Variants in KEAP1 observed in about 807,000 individuals in gnomAD.
KEAP1 encodes the protein kelch like ECH associated protein 1.
KEAP1 carries 26 observed loss-of-function variants against 59.7 expected under a neutral mutation model. The observed-to-expected ratio is 0.44, with a 90% CI of 0.32 to 0.60. The LOEUF is 0.60. Among genes scored for constraint, KEAP1 ranks in the 20% least tolerant of loss-of-function variants. KEAP1 has a pLI of 0.06. For missense variants in KEAP1, 539 were observed against 871.4 expected (o/e 0.62, Z 4.80); for synonymous variants, 350 against 358.3 (o/e 0.98, Z 0.26).
At position 10,491,831 on chromosome 19, in the gene KEAP1, G is replaced by C. The variant is rs1041969329; in HGVS notation, c.1071C>G (p.Asp357Glu). The change falls in exon 3 of 6, where the codon GAC becomes GAG. Residue 357 changes from aspartate to glutamate, a missense_variant. Physicochemically the swap from Asp to Glu is conservative, Grantham distance 45. Coordinates refer to ENST00000171111, the MANE Select transcript of KEAP1 (RefSeq NM_203500.2). This position sits in a 1 kb window ranked among gnomAD's most constrained non-coding sequence, Gnocchi z 5.2. Reference sequence around the variant, plus strand: ...CCAGGCCGCTCCGCGGCACCTGCAGGTCCGCCAACCGGAGCCAGGTGCCGT... The same window carrying C: ...CCAGGCCGCTCCGCGGCACCTGCAGCTCCGCCAACCGGAGCCAGGTGCCGT... ...PSDGTWLRLADLQVPRSGLAG... is the reference protein window; with the variant it reads ...PSDGTWLRLAELQVPRSGLAG... The C allele has an allele frequency of 1.2e-6, 2 of 1,606,374 alleles. No individual in the cohort carries two copies. Among genetic ancestry groups the C allele is most frequent in the Non-Finnish European group, 1.7e-6 (2 of 1,176,716 alleles).
chr19:10,501,664 G>T (rs961627728), intron 1 of KEAP1, among the ~76,000 whole-genome samples: 1 of 151,944 alleles, frequency 6.6e-6, no homozygotes, highest in African/African-American at 2.4e-5. Context: ...TCATACTTCG[G>T]CCTCCTGAGT....
chr19:10,494,319 T>C (rs1325530629), intron 2 of KEAP1, among the ~76,000 whole-genome samples: 1 of 147,872 alleles, frequency 6.8e-6, no homozygotes, highest in Non-Finnish European at 1.5e-5. Flanking sequence ...TCACCATACC[T>C]GGCTTGGCTT....
At chr19:10,497,715 T>C (rs1456007854) in intron 2 of KEAP1, among the ~76,000 whole-genome samples, 1 of 151,996 alleles carries the variant, frequency 6.6e-6, no homozygotes, top group African/African-American at 2.4e-5. Flanking sequence ...CAAGACCCTG[T>C]CTCTACAAAA....
Position 10,499,842 on chromosome 19 carries a change from A to G in KEAP1, c.192T>C (p.Phe64=). The change falls in exon 2 of 6, where the codon TTT becomes TTC. Residue 64 remains phenylalanine, a synonymous_variant. Coordinates refer to ENST00000171111, the MANE Select transcript of KEAP1 (RefSeq NM_203500.2). This position sits in a 1 kb window ranked among gnomAD's most constrained non-coding sequence, Gnocchi z 6.7. ...TGAGCCGCAGCTCGTTCATGATGCC[A>G]AAGGCCTGCTTGGTATGATCCTCCA... is the stretch of plus-strand genomic sequence containing the variant. The part of the protein sequence containing the change: ...YTLEDHTKQA[F]GIMNELRLSQ... 6.2e-7 allele frequency: 1 copy of G among 1,613,946 alleles called. No individual in the cohort carries two copies. Among genetic ancestry groups the G allele is most frequent in the Non-Finnish European group, 8.5e-7 (1 of 1,180,020 alleles).
rs767285862 is a variant in KEAP1, at chr19:10,491,945, G to A, written c.957C>T (p.Cys319=). 35 of 1,591,748 alleles carry A rather than the reference G, an allele frequency of 2.2e-5. No individual in the cohort carries two copies. The highest frequency in any genetic ancestry group is 3.4e-5 in the Admixed American group (2 of 58,036). The change falls in exon 3 of 6, where the codon TGC becomes TGT. Residue 319 remains cysteine, a synonymous_variant. Transcript: ENST00000171111. This position sits in a 1 kb window ranked among gnomAD's most constrained non-coding sequence, Gnocchi z 5.2. ...TLHKPTQVMP[C]RAPKVGRLIY... ...TCAGGCGGCCCACCTTGGGCGCCCGGCAGGGCATCACCTGCGTGGGCTTGT... is the reference window on the plus strand; with the variant it reads ...TCAGGCGGCCCACCTTGGGCGCCCGACAGGGCATCACCTGCGTGGGCTTGT...
At chr19:10,495,723 G>A (rs1008782465) in intron 2 of KEAP1, among the ~76,000 whole-genome samples, 3 of 151,698 alleles carry the variant, frequency 2.0e-5, no homozygotes, top group African/African-American at 7.3e-5. Flanking sequence ...TGGAAGCTCC[G>A]AAGAAACCAG....
chr19:10,489,117 A>AG, intron 5 of KEAP1, 75 bp downstream of exon 5: 1 of 1,123,922 alleles, frequency 8.9e-7, no homozygotes. Flanking sequence ...AAAAAAAAAA[A>AG]AAAGGAAAGC....
chr19:10,502,919 G>T lies in KEAP1; in HGVS notation c.-48+322C>A, dbSNP rs973375076. 2.0e-5 allele frequency: 3 copies of T among 152,118 alleles called. No homozygotes were observed. Among genetic ancestry groups the T allele is most frequent in the Non-Finnish European group, 4.4e-5 (3 of 67,996 alleles). The allele number at this position is 152,118 out of a possible 1,614,324, so 9.4% of individuals were successfully genotyped here. ...CACGCCTGCTGTCGCCCAGCTGCGC[G>T]GCCACCACGGCGCCCAGCATGGCGG... is the stretch of plus-strand genomic sequence containing the variant. On this transcript the variant is annotated intron_variant, in intron 1 of 5. Coordinates refer to ENST00000171111, the MANE Select transcript of KEAP1 (RefSeq NM_203500.2). This position sits in a 1 kb window ranked among gnomAD's most constrained non-coding sequence, Gnocchi z 4.0.
rs1237235830 is a variant in KEAP1 at position 10,491,856 on chromosome 19, T to C, written c.1046A>G (p.Asp349Gly). The C allele has an allele frequency of 1.2e-6, 2 of 1,611,680 alleles. No individual in the cohort carries two copies. The highest frequency in any genetic ancestry group is 1.7e-6 in the Non-Finnish European group (2 of 1,179,160). ...LSYLEAYNPS[D>G]GTWLRLADLQ... Reference sequence around the variant, plus strand: ...GTCCGCCAACCGGAGCCAGGTGCCGTCACTGGGGTTGTAAGCCTCCAGGTA... The same window carrying C: ...GTCCGCCAACCGGAGCCAGGTGCCGCCACTGGGGTTGTAAGCCTCCAGGTA... The change falls in exon 3 of 6, where the codon GAC (aspartate) becomes GGC (glycine). Residue 349 changes from aspartate to glycine, a missense_variant. Physicochemically the swap from Asp to Gly is moderately conservative, Grantham distance 94 (BLOSUM62 -1). Transcript: ENST00000171111. This position sits in a 1 kb window ranked among gnomAD's most constrained non-coding sequence, Gnocchi z 5.2.
At chr19:10,498,448 C>A (rs1238074128) in intron 2 of KEAP1, among the ~76,000 whole-genome samples, 2 of 152,190 alleles carry the variant, frequency 1.3e-5, no homozygotes, top group South Asian at 2.1e-4. Flanking sequence ...CTCAGGTGAG[C>A]CACCCGCCTC....
chr19:10,495,418 G>C (rs1914818889), intron 2 of KEAP1, among the ~76,000 whole-genome samples: 4 of 152,098 alleles, frequency 2.6e-5, no homozygotes, highest in Admixed American at 2.6e-4. Flanking sequence ...ACAGCTCTGG[G>C]CCAGCACAGT....
intron 2 of KEAP1, among the ~76,000 whole-genome samples, chr19:10,498,089 G>A (rs957510031): frequency 2.6e-5 from 4 of 151,528 alleles, no homozygotes; most frequent in Admixed American, 6.6e-5. Context: ...TAATAGAGAC[G>A]TGGTTTCTCC....
intron 2 of KEAP1, among the ~76,000 whole-genome samples, chr19:10,494,418 C>T (rs1966845714): frequency 6.7e-6 from 1 of 149,644 alleles, no homozygotes; most frequent in Admixed American, 6.7e-5. Context: ...GCAAGCTCCA[C>T]CTCCCGGGTT....
At chr19:10,492,984 G>A (rs1455670610) in intron 2 of KEAP1, among the ~76,000 whole-genome samples, 3 of 150,380 alleles carry the variant, frequency 2.0e-5, no homozygotes, top group Admixed American at 1.3e-4. Context: ...ACCATGCCCC[G>A]TTAATTTTTA....
chr19:10,487,902 G>A (rs1414055637), intron 5 of KEAP1, among the ~76,000 whole-genome samples: 1 of 152,096 alleles, frequency 6.6e-6, no homozygotes, highest in Non-Finnish European at 1.5e-5. Flanking sequence ...GCCGAGGCGG[G>A]CAGATCACCT....
chr19:10,487,451 G>A (rs1914503643), intron 5 of KEAP1, among the ~76,000 whole-genome samples: 2 of 152,162 alleles, frequency 1.3e-5, no homozygotes, highest in Admixed American at 1.3e-4. Context: ...GAGATCAGGA[G>A]TTCGAGGCCA....
chr19:10,489,165 G>T (rs752942041), intron 5 of KEAP1, 27 bp downstream of exon 5: 2 of 1,588,812 alleles, frequency 1.3e-6, no homozygotes, highest in East Asian at 4.5e-5. Context: ...GGCTAGTCAG[G>T]ACTCTTCCCC....
At chr19:10,493,774 G>A (rs1457593019) in intron 2 of KEAP1, among the ~76,000 whole-genome samples, 3 of 150,816 alleles carry the variant, frequency 2.0e-5, no homozygotes, top group East Asian at 4.0e-4. Flanking sequence ...TGTTAGCCAG[G>A]ATGATCTTGA....
rs141924513 is a variant in KEAP1 at position 10,499,941 on chromosome 19, C to T, written c.93G>A (p.Val31=). ...CCTTGCACTCAGTGGAGGCGTACAT[C>T]ACCGCGTCCCCTGCCCCCTCAGGGC... The part of the protein sequence containing the change: ...SQCPEGAGDA[V]MYASTECKAE... Residue 31 remains valine, a synonymous_variant, in exon 2 of 6, where the codon GTG becomes GTA. Transcript: ENST00000171111. This position sits in a 1 kb window ranked among gnomAD's most constrained non-coding sequence, Gnocchi z 6.7. 10,200 of 1,609,764 alleles carry T rather than the reference C, an allele frequency of 6.3e-3. 46 individuals are homozygous for T. Among genetic ancestry groups the T allele is most frequent in the Non-Finnish European group, 7.5e-3 (8,847 of 1,177,172 alleles).
Sources: gnomAD v4.1 joint callset for allele counts (sites outside exome capture counted in the v4.1 genomes callset) on GRCh38, gnomAD v4.1.1 for gene constraint, Gnocchi (gnomAD v3.1) non-coding constraint, MANE v1.5 for transcripts, NCBI Gene and HGNC (gene_info 2026-07-23, HGNC 2026-07-21) for gene names.